Variants in MTR observed in about 807,000 individuals in gnomAD.
MTR encodes the protein 5-methyltetrahydrofolate-homocysteine methyltransferase.
MTR carries 84 observed loss-of-function variants against 154.8 expected under a neutral mutation model. The observed-to-expected ratio is 0.54, with a 90% confidence interval of 0.45 to 0.65. MTR has a LOEUF of 0.65. Ranked by LOEUF, MTR falls within the 30% of genes least tolerant of loss-of-function variation. MTR has a pLI of 0.00. For synonymous variants in MTR, 554 were observed against 553.9 expected (o/e 1.00, Z 0.00); for missense variants, 1,275 against 1,570.2 (o/e 0.81, Z 3.18).
At chr1:236,801,473 A>G (rs1572178687) in intron 1 of MTR, among the ~76,000 whole-genome samples, 1 of 152,352 alleles carries the variant, frequency 6.6e-6, no homozygotes, top group East Asian at 1.9e-4. Context: ...CTCATATTGT[A>G]TACTTGAGAC....
chr1:236,822,312 G>GTTTTTTTTTTTTTTT (rs199660325), intron 8 of MTR, among the ~76,000 whole-genome samples: 3 of 124,940 alleles, frequency 2.4e-5, no homozygotes, highest in Non-Finnish European at 3.3e-5. Flanking sequence ...GGTTTTTTTT[G>GTTTTTTTTTTTTTTT]TTTTTTTTTT....
At chr1:236,877,590 C>G (rs1478872775) in intron 24 of MTR, among the ~76,000 whole-genome samples, 1 of 151,980 alleles carries the variant, frequency 6.6e-6, no homozygotes, top group Non-Finnish European at 1.5e-5. Context: ...GGTTTTTTTT[C>G]AATGTAGTAT....
chr1:236,874,594 A>C, intron 23 of MTR, 132 bp from the exon 24 acceptor site: 1 of 700,504 alleles, frequency 1.4e-6, no homozygotes, highest in Non-Finnish European at 2.3e-6. Context: ...AAGAATTAGG[A>C]ATTGGGAATT....
At chr1:236,797,084 C>G (rs1190152778) in intron 1 of MTR, among the ~76,000 whole-genome samples, 2 of 152,092 alleles carry the variant, frequency 1.3e-5, no homozygotes, top group African/African-American at 2.4e-5. Context: ...CCCCTCACCC[C>G]CAAGGCTGGC....
chr1:236,828,555 T>C (rs1259651361), intron 11 of MTR, among the ~76,000 whole-genome samples: 2 of 152,190 alleles, frequency 1.3e-5, no homozygotes, highest in Non-Finnish European at 2.9e-5. Context: ...AGTAGCCACA[T>C]TTTTCTGGTT....
At chr1:236,838,311 A>G (rs577002543) in intron 14 of MTR, 103 bp from the exon 15 acceptor site, 6 of 1,213,100 alleles carry the variant, frequency 4.9e-6, no homozygotes, top group East Asian at 4.7e-5. Flanking sequence ...TTTTTTGTTT[A>G]TTGTTTTGCT....
At chr1:236,835,267 C>A (rs1193438020) in intron 13 of MTR, among the ~76,000 whole-genome samples, 1 of 151,964 alleles carries the variant, frequency 6.6e-6, no homozygotes, top group Admixed American at 6.6e-5. Flanking sequence ...ATGGGGCCAG[C>A]TCAGAGGGCC....
rs112806914 is a variant in MTR at position 236,843,754 on chromosome 1, G to C, written c.1515+5155G>C. Among the ~76,000 whole-genome samples the C allele has an allele frequency of 4.6e-3, 708 of 152,312 alleles. 11 individuals are homozygous for C. Among genetic ancestry groups the C allele is most frequent in the African/African-American group, 0.016 (685 of 41,564 alleles). On this transcript the variant is annotated intron_variant, in intron 15 of 32. Coordinates refer to ENST00000366577, the MANE Select transcript of MTR (RefSeq NM_000254.3). The stretch of plus-strand genomic sequence containing the variant: ...TGGGTATAGGTTGTGAAAGAAAGAG[G>C]AGTCAGGGATAACTTTAGAATCTGT...
intron 6 of MTR, among the ~76,000 whole-genome samples, chr1:236,813,169 T>C (rs1022187480): frequency 6.6e-6 from 1 of 152,186 alleles, no homozygotes; most frequent in African/African-American, 2.4e-5. Context: ...GAAAAGTGAA[T>C]ATCCTTTCCT....
At chr1:236,813,708 G>T (rs1443817849) in intron 6 of MTR, among the ~76,000 whole-genome samples, 1 of 151,142 alleles carries the variant, frequency 6.6e-6, no homozygotes, top group East Asian at 1.9e-4. Context: ...TTTTTCTATT[G>T]GACTTTGGCT....
At chr1:236,892,675 T>C (rs1431035229) in intron 29 of MTR, among the ~76,000 whole-genome samples, 1 of 152,190 alleles carries the variant, frequency 6.6e-6, no homozygotes, top group Non-Finnish European at 1.5e-5. Flanking sequence ...CCTCACTGTA[T>C]GCGCCCAGGC....
intron 23 of MTR, 136 bp downstream of exon 23, chr1:236,873,976 G>T (rs1256810086): frequency 1.4e-5 from 12 of 840,036 alleles, no homozygotes; most frequent in Non-Finnish European, 2.3e-5. Flanking sequence ...GCCAGCTCCT[G>T]CACCAGGTTG....
chr1:236,813,470 T>C (rs1661422830), intron 6 of MTR, among the ~76,000 whole-genome samples: 1 of 152,236 alleles, frequency 6.6e-6, no homozygotes, highest in Admixed American at 6.5e-5. Flanking sequence ...CATTTGCGAC[T>C]GGACTCATTT....
intron 8 of MTR, among the ~76,000 whole-genome samples, chr1:236,817,769 C>A (rs1253239305): frequency 6.6e-6 from 1 of 152,074 alleles, no homozygotes; most frequent in African/African-American, 2.4e-5. Flanking sequence ...GACTTAATGT[C>A]ATATTGTGAT....
chr1:236,894,308 G>A lies in MTR; in HGVS notation c.3205-49G>A, dbSNP rs2297965. ...GCTCTTCATGGTGTGCTGGCGCCACGTTCTTGCTAACGGCGCCCCCGCACA... is the reference window on the plus strand; with the variant it reads ...GCTCTTCATGGTGTGCTGGCGCCACATTCTTGCTAACGGCGCCCCCGCACA... On this transcript the variant is annotated intron_variant, in intron 29 of 32. Transcript: ENST00000366577. 0.6 allele frequency: 948,580 copies of A among 1,587,920 alleles called. 285,213 individuals carry two copies. Among genetic ancestry groups the A allele is most frequent in the South Asian group, 0.62 (56,411 of 90,508 alleles).
intron 15 of MTR, among the ~76,000 whole-genome samples, chr1:236,845,575 A>C (rs1663520347): frequency 6.6e-6 from 1 of 152,208 alleles, no homozygotes; most frequent in South Asian, 2.1e-4. Context: ...ATTCAACAGC[A>C]TAAGGATACT....
chr1:236,841,924 G>GCT lies in MTR; in HGVS notation c.1515+3326_1515+3327dup, dbSNP rs572037174. 3.2e-4 allele frequency among the ~76,000 whole-genome samples: 46 copies of GCT among 144,876 alleles called. No individual in the cohort carries two copies. In the South Asian group the frequency reaches 1.0e-2, roughly 31 times the overall value. On this transcript the variant is annotated intron_variant, in intron 15 of 32. Transcript: ENST00000366577. ...TTTTTTTTTTTTGAGACGGAGTCTC[G>GCT]CTGTCGCCCAGGCTGGAGTGCGGTG... is the stretch of plus-strand genomic sequence containing the variant.
chr1:236,862,236 G>T lies in MTR; in HGVS notation c.2197G>T (p.Val733Phe), dbSNP rs1664585726. Residue 733 changes from valine to phenylalanine, a missense_variant and splice_region_variant, in exon 21 of 33, where the codon GTT becomes TTT. Transcript: ENST00000366577. ...ACCTGATCTATGCTTTTTTTCTCAGGTTATAAAGTCAGCCCGGGTTATGAA... is the reference window on the plus strand; with the variant it reads ...ACCTGATCTATGCTTTTTTTCTCAGTTTATAAAGTCAGCCCGGGTTATGAA... ...FGAGKMFLPQ[V>F]IKSARVMKKA... 1 of 1,612,548 alleles carries T rather than the reference G, an allele frequency of 6.2e-7. No homozygotes were observed. Among genetic ancestry groups the T allele is most frequent in the South Asian group, 1.1e-5 (1 of 91,058 alleles).
intron 28 of MTR, 105 bp downstream of exon 28, chr1:236,889,441 T>C: frequency 3.4e-6 from 5 of 1,489,302 alleles, no homozygotes; most frequent in Non-Finnish European, 4.6e-6. Flanking sequence ...ATTGTGCAGA[T>C]TACGGCTGCT....
Sources: gnomAD v4.1 joint callset for allele counts (sites outside exome capture counted in the v4.1 genomes callset) on GRCh38, gnomAD v4.1.1 for gene constraint, MANE v1.5 for transcripts, NCBI Gene and HGNC (gene_info 2026-07-23, HGNC 2026-07-21) for gene names.